Variants in PPP3CA observed in about 807,000 individuals in gnomAD.
The protein encoded by PPP3CA is CAM-PRP catalytic subunit.
In PPP3CA, 14 loss-of-function variants were observed where a neutral mutation model predicts 66.5. The observed-to-expected ratio is 0.21, with a 90% CI of 0.14 to 0.33. The LOEUF is 0.33. Ranked by LOEUF, PPP3CA falls within the 10% of genes least tolerant of loss-of-function variation. The pLI is 1.00. For missense variants in PPP3CA, 317 were observed against 639.5 expected (o/e 0.50, Z 5.44); for synonymous variants, 232 against 226.2 (o/e 1.03, Z -0.23).
At chr4:101,149,574 G>A (rs1363567432) in intron 2 of PPP3CA, among the ~76,000 whole-genome samples, 7 of 152,152 alleles carry the variant, frequency 4.6e-5, no homozygotes, top group Non-Finnish European at 8.8e-5. Context: ...CACTGCTGAA[G>A]TATTAGGTAC....
chr4:101,138,185 G>A (rs931524327), intron 2 of PPP3CA, among the ~76,000 whole-genome samples: 5 of 152,120 alleles, frequency 3.3e-5, no homozygotes, highest in African/African-American at 7.2e-5. Context: ...TCTCTCTCAC[G>A]TCTGCAGCCT....
At chr4:101,113,387 C>T (rs954059238) in intron 2 of PPP3CA, among the ~76,000 whole-genome samples, 8 of 152,120 alleles carry the variant, frequency 5.3e-5, no homozygotes, top group Non-Finnish European at 1.0e-4. Flanking sequence ...CTAGTATGGT[C>T]CCCCTCACAG....
At chr4:101,236,618 T>C (rs1726140741) in intron 1 of PPP3CA, among the ~76,000 whole-genome samples, 1 of 152,020 alleles carries the variant, frequency 6.6e-6, no homozygotes, top group Admixed American at 6.6e-5. Flanking sequence ...TAATTAACTT[T>C]CATCATCTAT....
intron 3 of PPP3CA, among the ~76,000 whole-genome samples, chr4:101,100,184 C>G (rs113775735): frequency 6.6e-6 from 1 of 151,938 alleles, no homozygotes; most frequent in African/African-American, 2.4e-5. Flanking sequence ...GATTTATATA[C>G]CAAAGACACT....
In PPP3CA at chr4:101,152,585, A is replaced by G. The variant is rs557785323; in HGVS notation, c.259+43331T>C. ...GACCAGATTTTGGACAGAAAATAATATAAAATGCAATAACATAACTTGAGT... is the reference window on the plus strand; with the variant it reads ...GACCAGATTTTGGACAGAAAATAATGTAAAATGCAATAACATAACTTGAGT... On this transcript the variant is annotated intron_variant, in intron 2 of 13. Transcript: ENST00000394854. Among the ~76,000 whole-genome samples, 4 of 152,338 alleles carry G rather than the reference A, an allele frequency of 2.6e-5. No homozygotes were observed. In the South Asian group the frequency reaches 8.3e-4, roughly 32 times the overall value.
At chr4:101,128,252 CAA>C (rs781472718) in intron 2 of PPP3CA, among the ~76,000 whole-genome samples, 1 of 151,976 alleles carries the variant, frequency 6.6e-6, no homozygotes, top group Non-Finnish European at 1.5e-5. Context: ...TATGTATTTT[CAA>C]ATAGTGAAAA....
rs1031725420 is a variant in PPP3CA at position 101,052,342 on chromosome 4, C to A, written c.1156+8745G>T. ...CGATAAGAATCATACCAAACTACAT[C>A]TAATAAATGCCCATGTGTTTTTCAG... On this transcript the variant is annotated intron_variant, in intron 10 of 13. Coordinates refer to ENST00000394854, the MANE Select transcript of PPP3CA (RefSeq NM_000944.5). Among the ~76,000 whole-genome samples the A allele has an allele frequency of 2.0e-5, 3 of 152,124 alleles. No individual in the cohort carries two copies. The East Asian group carries it at 5.8e-4, about 29-fold the overall frequency.
chr4:101,264,834 G>A (rs946618517), intron 1 of PPP3CA, among the ~76,000 whole-genome samples: 2 of 152,154 alleles, frequency 1.3e-5, no homozygotes, highest in African/African-American at 4.8e-5. Context: ...GGATAGAGGA[G>A]GCAAGGTAGA....
chr4:101,052,319 A>G (rs1728046183), intron 10 of PPP3CA, among the ~76,000 whole-genome samples: 1 of 152,090 alleles, frequency 6.6e-6, no homozygotes, highest in Non-Finnish European at 1.5e-5. Flanking sequence ...CCTAAATACG[A>G]TAAGAATCAT....
chr4:101,316,887 T>C (rs1176490153), intron 1 of PPP3CA, among the ~76,000 whole-genome samples: 3 of 152,170 alleles, frequency 2.0e-5, no homozygotes, highest in Admixed American at 2.0e-4. Context: ...AGTCTTATAG[T>C]AAAGCATTTG....
chr4:101,231,129 C>T (rs1725947513), intron 1 of PPP3CA, among the ~76,000 whole-genome samples: 1 of 151,724 alleles, frequency 6.6e-6, no homozygotes, highest in Non-Finnish European at 1.5e-5. Flanking sequence ...TTTCCCACCT[C>T]CACTTGCTCT....
intron 1 of PPP3CA, among the ~76,000 whole-genome samples, chr4:101,224,359 C>T (rs1725716567): frequency 6.6e-6 from 1 of 151,824 alleles, no homozygotes; most frequent in Non-Finnish European, 1.5e-5. Context: ...CCCTACTCCT[C>T]CTTTCCAATC....
chr4:101,114,323 T>G (rs1490326718), intron 2 of PPP3CA, among the ~76,000 whole-genome samples: 1 of 152,124 alleles, frequency 6.6e-6, no homozygotes, highest in African/African-American at 2.4e-5. Flanking sequence ...ATAAGTTTAT[T>G]TTTCTGGAGC....
At chr4:101,259,547 A>C (rs1460946186) in intron 1 of PPP3CA, among the ~76,000 whole-genome samples, 3 of 152,184 alleles carry the variant, frequency 2.0e-5, no homozygotes, top group Non-Finnish European at 2.9e-5. Context: ...TAAAAGTAAT[A>C]TTTCTAAGTG....
intron 10 of PPP3CA, among the ~76,000 whole-genome samples, chr4:101,057,428 T>C (rs1728273531): frequency 1.3e-5 from 2 of 152,340 alleles, no homozygotes; most frequent in African/African-American, 4.8e-5. Flanking sequence ...TTATGAGATA[T>C]GAACTAAAAG....
At chr4:101,089,073 G>A (rs1338086456) in intron 6 of PPP3CA, among the ~76,000 whole-genome samples, 2 of 152,166 alleles carry the variant, frequency 1.3e-5, no homozygotes, top group Non-Finnish European at 2.9e-5. Flanking sequence ...CCCTAGAAAA[G>A]AAGTTCCAGC....
At chr4:101,032,220 C>T (rs753947645) in intron 12 of PPP3CA, 47 bp downstream of exon 12, 1 of 1,365,752 alleles carries the variant, frequency 7.3e-7, no homozygotes. Context: ...AATGACACAG[C>T]TGACTGCGAT....
intron 1 of PPP3CA, among the ~76,000 whole-genome samples, chr4:101,212,083 T>C (rs939932534): frequency 1.3e-5 from 2 of 152,000 alleles, no homozygotes; most frequent in Non-Finnish European, 2.9e-5. Context: ...GTTTAACTTA[T>C]ATATTCTTAA....
chr4:101,086,143 A>G (rs1729665138), intron 6 of PPP3CA, among the ~76,000 whole-genome samples: 1 of 152,160 alleles, frequency 6.6e-6, no homozygotes, highest in South Asian at 2.1e-4. Context: ...TGAAGATAAA[A>G]TAGAAGTTTT....
Sources: allele counts gnomAD v4.1 joint callset (sites outside exome capture counted in the v4.1 genomes callset), GRCh38; gene constraint gnomAD v4.1.1; transcripts MANE v1.5; gene names NCBI Gene and HGNC (gene_info 2026-07-23, HGNC 2026-07-21).